CTNNA2: variants seen among roughly 807,000 people sequenced by gnomAD.
CTNNA2 encodes the protein catenin alpha 2.
Under a neutral mutation model 101.0 loss-of-function variants are expected in CTNNA2, and 42 were observed. The observed-to-expected ratio is 0.42, with a 90% CI of 0.32 to 0.54. CTNNA2 has a LOEUF of 0.54. Among genes scored for constraint, CTNNA2 ranks in the 20% least tolerant of loss-of-function variants. CTNNA2 has a pLI of 0.14. For missense variants in CTNNA2, 871 were observed against 1,223.1 expected, an observed-to-expected ratio of 0.71 and a Z score of 4.29; for synonymous variants, 450 against 456.4, an observed-to-expected ratio of 0.99 and a Z score of 0.18.
chr2:80,543,954 A>G (rs140382972), intron 9 of CTNNA2, among the ~76,000 whole-genome samples: 34 of 151,964 alleles, frequency 2.2e-4, no homozygotes, highest in African/African-American at 7.7e-4. Context: ...TCATATCCCC[A>G]TTCTTGTGTT....
Position 80,025,936 on chromosome 2 carries a change from C to T in CTNNA2, c.1056+116139C>T, listed in dbSNP as rs377297793. On this transcript the variant is annotated intron_variant, in intron 7 of 18. Coordinates refer to ENST00000402739, the MANE Select transcript of CTNNA2 (RefSeq NM_001282597.3). Reference sequence around the variant, plus strand: ...ACCTAGTTTTCCTGGAGCTTACATGCAAGTAGGGGCAAAAAGACACAAGCA... The same window carrying T: ...ACCTAGTTTTCCTGGAGCTTACATGTAAGTAGGGGCAAAAAGACACAAGCA... Among the ~76,000 whole-genome samples the T allele has an allele frequency of 2.4e-3, 359 of 152,204 alleles. 17 individuals are homozygous for T. In the South Asian group the frequency reaches 0.071, roughly 30 times the overall value.
chr2:79,852,088 C>T (rs1452730717), intron 3 of CTNNA2, among the ~76,000 whole-genome samples: 1 of 152,142 alleles, frequency 6.6e-6, no homozygotes, highest in African/African-American at 2.4e-5. Flanking sequence ...ATATAAAAAA[C>T]ATGAACTATC....
chr2:79,202,091 C>A (rs1402182005), intron 2 of CTNNA2, among the ~76,000 whole-genome samples: 1 of 152,130 alleles, frequency 6.6e-6, no homozygotes, highest in Admixed American at 6.5e-5. Flanking sequence ...ACACAATTTA[C>A]TCCAGCTCAG....
intron 3 of CTNNA2, among the ~76,000 whole-genome samples, chr2:79,315,058 G>C (rs1057406141): frequency 1.3e-5 from 2 of 151,966 alleles, no homozygotes; most frequent in African/African-American, 4.8e-5. Flanking sequence ...TTACTATTTG[G>C]GTGTAATAGG....
chr2:80,361,990 A>G (rs72813656), intron 7 of CTNNA2, among the ~76,000 whole-genome samples: 20,125 of 152,202 alleles, frequency 0.13, 2,684 homozygotes, highest in African/African-American at 0.34. Context: ...AGGACTTGAC[A>G]GCACCATTTG....
chr2:79,695,239 G>A (rs910347571), intron 2 of CTNNA2, among the ~76,000 whole-genome samples: 4 of 151,910 alleles, frequency 2.6e-5, no homozygotes, highest in Non-Finnish European at 4.4e-5. Flanking sequence ...ACACACTTTA[G>A]TGTATGCAAC....
chr2:79,850,061 AC>A (rs1680549641), intron 3 of CTNNA2, among the ~76,000 whole-genome samples: 1 of 152,208 alleles, frequency 6.6e-6, no homozygotes, highest in Admixed American at 6.5e-5. Context: ...ACAGGGAGTC[AC>A]AAATCATCCC....
chr2:79,357,793 A>C (rs926286173), intron 3 of CTNNA2, among the ~76,000 whole-genome samples: 1 of 152,216 alleles, frequency 6.6e-6, no homozygotes, highest in East Asian at 1.9e-4. Flanking sequence ...TTGCTGAATA[A>C]AGAAAGCCAG....
intron 7 of CTNNA2, among the ~76,000 whole-genome samples, chr2:79,940,057 G>A (rs530965525): frequency 6.6e-5 from 10 of 151,824 alleles, no homozygotes; most frequent in African/African-American, 1.9e-4. Context: ...GCACCATTCC[G>A]TCTCAAACAA....
chr2:80,383,288 A>G (rs1676682619), intron 7 of CTNNA2, among the ~76,000 whole-genome samples: 1 of 152,196 alleles, frequency 6.6e-6, no homozygotes. Flanking sequence ...TTAGGACTCC[A>G]TATTTTCCAA....
intron 1 of CTNNA2, among the ~76,000 whole-genome samples, chr2:79,582,824 T>C (rs1676230801): frequency 6.6e-6 from 1 of 152,156 alleles, no homozygotes; most frequent in South Asian, 2.1e-4. Flanking sequence ...AACAAATGTA[T>C]GCAATCAATG....
intron 4 of CTNNA2, among the ~76,000 whole-genome samples, chr2:79,378,129 T>A (rs1677999716): frequency 1.3e-5 from 2 of 152,104 alleles, no homozygotes; most frequent in African/African-American, 4.8e-5. Flanking sequence ...TCCTACACAC[T>A]ATGATGACTA....
chr2:79,824,307 T>A (rs1431217470), intron 3 of CTNNA2, among the ~76,000 whole-genome samples: 1 of 152,180 alleles, frequency 6.6e-6, no homozygotes, highest in African/African-American at 2.4e-5. Context: ...TTTGTGGTTA[T>A]CATGCCTGAA....
chr2:79,385,386 A>C (rs545035678), intron 4 of CTNNA2, among the ~76,000 whole-genome samples: 3 of 152,290 alleles, frequency 2.0e-5, no homozygotes, highest in East Asian at 3.9e-4. Context: ...GCAACAGTAG[A>C]CCACTTGGAT....
At chr2:80,354,080 C>T (rs1253145522) in intron 7 of CTNNA2, among the ~76,000 whole-genome samples, 2 of 152,124 alleles carry the variant, frequency 1.3e-5, no homozygotes, top group Non-Finnish European at 2.9e-5. Flanking sequence ...AAGCAGTTAA[C>T]CACTCACAAC....
chr2:79,874,424 T>C, intron 6 of CTNNA2, 82 bp downstream of exon 6: 1 of 1,417,912 alleles, frequency 7.1e-7, no homozygotes, highest in Non-Finnish European at 9.6e-7. Context: ...GAAGGGCCAC[T>C]ACAATAATTT....
chr2:79,372,062 A>AT (rs1049835602), intron 3 of CTNNA2, among the ~76,000 whole-genome samples: 1 of 152,160 alleles, frequency 6.6e-6, no homozygotes, highest in Non-Finnish European at 1.5e-5. Flanking sequence ...AAAACCATGG[A>AT]TACCTGGGCC....
chr2:79,768,885 C>T (rs527643134), intron 3 of CTNNA2, among the ~76,000 whole-genome samples: 8 of 152,236 alleles, frequency 5.3e-5, no homozygotes, highest in Non-Finnish European at 1.2e-4. Context: ...GACTGAGTCT[C>T]ACTCTGTCGC....
chr2:80,327,080 A>G (rs1670881292), intron 7 of CTNNA2, among the ~76,000 whole-genome samples: 1 of 152,190 alleles, frequency 6.6e-6, no homozygotes, highest in Non-Finnish European at 1.5e-5. Flanking sequence ...CTAGATCCTC[A>G]TAACTCCTAC....
Sources: allele counts gnomAD v4.1 joint callset (sites outside exome capture counted in the v4.1 genomes callset), GRCh38; gene constraint gnomAD v4.1.1; transcripts MANE v1.5; gene names NCBI Gene and HGNC (gene_info 2026-07-23, HGNC 2026-07-21).